Variants in SRD5A1 observed in about 807,000 individuals in gnomAD.
The protein encoded by SRD5A1 is 3-oxo-5-alpha-steroid 4-dehydrogenase 1.
Under a neutral mutation model 28.2 loss-of-function variants are expected in SRD5A1, and 22 were observed. That is an observed-to-expected ratio of 0.78 (90% CI 0.56 to 1.12). SRD5A1 has a LOEUF of 1.12. Among genes scored for constraint, SRD5A1 ranks in the 50% most tolerant of loss-of-function variants. The probability of loss-of-function intolerance (pLI) is 0.00; values close to 1 mark genes in which losing one functional copy is unlikely to be tolerated. For missense variants in SRD5A1, 300 were observed against 346.7 expected (o/e 0.87, Z 1.07); for synonymous variants, 151 against 135.0 (o/e 1.12, Z -0.82).
intron 4 of SRD5A1, 80 bp downstream of exon 4, chr5:6,663,046 G>A (rs1739058941): frequency 1.3e-6 from 2 of 1,540,850 alleles, no homozygotes; most frequent in Non-Finnish European, 1.8e-6. Flanking sequence ...GATTTTTGAA[G>A]TGTTAATTTA....
rs183945935 is a variant in SRD5A1, at chr5:6,639,214, A to G, written c.293+5345A>G. Among the ~76,000 whole-genome samples the G allele has an allele frequency of 3.3e-5, 5 of 152,368 alleles. No individual in the cohort carries two copies. The East Asian group carries it at 9.6e-4, about 29-fold the overall frequency. ...TTAAACAGGCATAGAACTTGCTTGC[A>G]AGACGACAAAACCCAAACATCTTAC... is the stretch of plus-strand genomic sequence containing the variant. On this transcript the variant is annotated intron_variant, in intron 1 of 4. Coordinates refer to ENST00000274192, the MANE Select transcript of SRD5A1 (RefSeq NM_001047.4).
intron 2 of SRD5A1, chr5:6,653,383 C>T (rs1350221712): frequency 6.6e-6 from 1 of 152,200 alleles, no homozygotes; most frequent in African/African-American, 2.4e-5. Context: ...TACACTACCC[C>T]CAAATATCTT....
chr5:6,658,909 C>T (rs1369975531), intron 3 of SRD5A1, among the ~76,000 whole-genome samples: 2 of 151,646 alleles, frequency 1.3e-5, no homozygotes, highest in Non-Finnish European at 2.9e-5. Context: ...GCCAGGAGTT[C>T]GAGACCAGCC....
intron 3 of SRD5A1, among the ~76,000 whole-genome samples, chr5:6,656,661 C>T (rs371599877): frequency 2.7e-4 from 41 of 152,088 alleles, no homozygotes; most frequent in Admixed American, 5.2e-4. Flanking sequence ...GATGAGGCGC[C>T]GACCACCATG....
chr5:6,655,436 C>G (rs1738802117), intron 2 of SRD5A1, among the ~76,000 whole-genome samples: 1 of 152,186 alleles, frequency 6.6e-6, no homozygotes, highest in Admixed American at 6.5e-5. Context: ...CTGGGGAGAA[C>G]CATGCAGGCG....
At chr5:6,647,131 A>T (rs1192456517) in intron 1 of SRD5A1, among the ~76,000 whole-genome samples, 2 of 152,220 alleles carry the variant, frequency 1.3e-5, no homozygotes, top group East Asian at 3.9e-4. Context: ...TTGCACTGTG[A>T]TATAAGAGAC....
chr5:6,651,511 A>AATT, intron 1 of SRD5A1, among the ~76,000 whole-genome samples: 1 of 152,090 alleles, frequency 6.6e-6, no homozygotes, highest in Non-Finnish European at 1.5e-5. Context: ...TAATAATAAT[A>AATT]ATAATAAGTG....
chr5:6,657,599 C>T lies in SRD5A1; in HGVS notation c.562+1420C>T, dbSNP rs1263376809. 9.2e-5 allele frequency among the ~76,000 whole-genome samples: 14 copies of T among 152,234 alleles called. No homozygotes were observed. In the East Asian group the frequency reaches 2.7e-3, roughly 29 times the overall value. On this transcript the variant is annotated intron_variant, in intron 3 of 4. Coordinates refer to ENST00000274192, the MANE Select transcript of SRD5A1 (RefSeq NM_001047.4). ...TGAGCCAGACTAAGAAGGGACAGGGCACAGTCCTGGGGAAGGCAGAATGAA... is the reference window on the plus strand; with the variant it reads ...TGAGCCAGACTAAGAAGGGACAGGGTACAGTCCTGGGGAAGGCAGAATGAA...
intron 3 of SRD5A1, among the ~76,000 whole-genome samples, chr5:6,659,420 A>G (rs1738937534): frequency 6.6e-6 from 1 of 152,168 alleles, no homozygotes; most frequent in Non-Finnish European, 1.5e-5. Flanking sequence ...GCCAAAAAAG[A>G]TCATTCTTAT....
intron 2 of SRD5A1, 26 bp from the exon 3 acceptor site, chr5:6,656,052 A>T (rs763141126): frequency 1.3e-6 from 2 of 1,590,318 alleles, no homozygotes; most frequent in Admixed American, 3.3e-5. Context: ...ATTAGCCATA[A>T]TCATCTTGCA....
chr5:6,656,791 A>G (rs1217828735), intron 3 of SRD5A1, among the ~76,000 whole-genome samples: 1 of 152,186 alleles, frequency 6.6e-6, no homozygotes, highest in Non-Finnish European at 1.5e-5. Context: ...CAGATCCCCA[A>G]GGGGATGTGC....
At chr5:6,647,614 T>A (rs558659851) in intron 1 of SRD5A1, among the ~76,000 whole-genome samples, 1 of 152,244 alleles carries the variant, frequency 6.6e-6, no homozygotes, top group Non-Finnish European at 1.5e-5. Context: ...GCTTTCCATT[T>A]GCTTGGTAAA....
intron 2 of SRD5A1, chr5:6,653,407 CT>C (rs1389208939): frequency 6.6e-6 from 1 of 152,206 alleles, no homozygotes; most frequent in African/African-American, 2.4e-5. Context: ...GGTTTACCTG[CT>C]TTTTGACTAC....
intron 3 of SRD5A1, among the ~76,000 whole-genome samples, chr5:6,659,756 C>T (rs924253158): frequency 6.6e-6 from 1 of 152,100 alleles, no homozygotes; most frequent in Non-Finnish European, 1.5e-5. Context: ...GCCCAAGGAA[C>T]GTGGAAGCCA....
rs1739334936 is a variant in SRD5A1, at chr5:6,670,670, G to A, written c.*2402G>A. 1 of 152,176 alleles carries A rather than the reference G, an allele frequency of 6.6e-6. No homozygotes were observed. Among genetic ancestry groups the A allele is most frequent in the Non-Finnish European group, 1.5e-5 (1 of 68,032 alleles). 9.4% of individuals were successfully genotyped at this position (152,176 alleles called of 1,614,324 possible). Reference sequence around the variant, plus strand: ...GGAGTGACAGGTAAGAAACAAGTAAGTAGCTAAAATAATGTTAGGTAGAAA... The same window carrying A: ...GGAGTGACAGGTAAGAAACAAGTAAATAGCTAAAATAATGTTAGGTAGAAA... On this transcript the variant is annotated 3_prime_UTR_variant, in exon 5 of 5. Coordinates refer to ENST00000274192, the MANE Select transcript of SRD5A1 (RefSeq NM_001047.4).
chr5:6,648,112 C>T lies in SRD5A1; in HGVS notation c.294-3730C>T, dbSNP rs2126534524. Among the ~76,000 whole-genome samples, 2 of 152,312 alleles carry T rather than the reference C, an allele frequency of 1.3e-5. 1 individual carries two copies. Among genetic ancestry groups the T allele is most frequent in the South Asian group, 4.1e-4 (2 of 4,828 alleles). ...AGAATGTTGAATATTGGCCCCCACT[C>T]TCTTCTGGCTTGTAGGGTTTCTGCC... On this transcript the variant is annotated intron_variant, in intron 1 of 4. Coordinates refer to ENST00000274192, the MANE Select transcript of SRD5A1 (RefSeq NM_001047.4).
chr5:6,666,453 A>G (rs1456595768), intron 4 of SRD5A1, among the ~76,000 whole-genome samples: 4 of 152,182 alleles, frequency 2.6e-5, no homozygotes, highest in Non-Finnish European at 5.9e-5. Context: ...TGACTGGATT[A>G]TAACGTTCTA....
In SRD5A1 at chr5:6,633,884, C is replaced by T. The variant is rs760148440; in HGVS notation, c.293+15C>T. The stretch of plus-strand genomic sequence containing the variant: ...TACGGGCATCGGTAACGTCCCCGGC[C>T]CCCGGCCCCCTACCCTACTCCCGGC... On this transcript the variant is annotated intron_variant, in intron 1 of 4. Coordinates refer to ENST00000274192, the MANE Select transcript of SRD5A1 (RefSeq NM_001047.4). 7 of 1,596,428 alleles carry T rather than the reference C, an allele frequency of 4.4e-6. No individual in the cohort carries two copies. The highest frequency in any genetic ancestry group is 5.1e-6 in the Non-Finnish European group (6 of 1,179,072).
At position 6,668,398 on chromosome 5, in the gene SRD5A1, T is replaced by C. The variant is rs1348598380; in HGVS notation, c.*130T>C. 1 of 566,692 alleles carries C rather than the reference T, an allele frequency of 1.8e-6. No individual in the cohort carries two copies. Among genetic ancestry groups the C allele is most frequent in the African/African-American group, 2.0e-5 (1 of 51,174 alleles). 35.1% of individuals were successfully genotyped at this position (566,692 alleles called of 1,614,324 possible). A position where few individuals can be genotyped will look rare whatever the true frequency, so the allele number is the denominator to read the frequency against. ...ATTTTCAAGATGTCCTCTAGGAATT[T>C]TTTTTCTAGTAATTTTGCAATCTAC... On this transcript the variant is annotated 3_prime_UTR_variant, in exon 5 of 5. Coordinates refer to ENST00000274192, the MANE Select transcript of SRD5A1 (RefSeq NM_001047.4).
Sources: gnomAD v4.1 joint callset for allele counts (sites outside exome capture counted in the v4.1 genomes callset) on GRCh38, gnomAD v4.1.1 for gene constraint, MANE v1.5 for transcripts, NCBI Gene and HGNC (gene_info 2026-07-23, HGNC 2026-07-21) for gene names.